The following PLXDC2 variants were observed in gnomAD, a reference collection of about 807,000 sequenced individuals.
PLXDC2 encodes plexin domain containing 2, also known as plexin domain-containing protein 2.
Under a neutral mutation model 68.9 loss-of-function variants are expected in PLXDC2, and 40 were observed. The ratio of observed to expected loss-of-function variants is 0.58; its 90% confidence interval spans 0.45 to 0.76. The LOEUF is 0.76. Among genes scored for constraint, PLXDC2 ranks in the 30% least tolerant of loss-of-function variants. The pLI is 0.00. For synonymous variants in PLXDC2, 243 were observed against 234.2 expected, an observed-to-expected ratio of 1.04 and a Z score of -0.34; for missense variants, 644 against 661.9, an observed-to-expected ratio of 0.97 and a Z score of 0.30.
chr10:20,160,452 G>A (rs939660764), intron 6 of PLXDC2, among the ~76,000 whole-genome samples: 3 of 152,012 alleles, frequency 2.0e-5, no homozygotes, highest in African/African-American at 7.2e-5. Context: ...ATTTTAGTTT[G>A]TATCGTTGTT....
chr10:19,875,442 T>G (rs1216514920), intron 1 of PLXDC2, among the ~76,000 whole-genome samples: 2 of 152,210 alleles, frequency 1.3e-5, no homozygotes, highest in Non-Finnish European at 2.9e-5. Context: ...TTTTTAGAAA[T>G]ATTTTTAAGT....
At chr10:20,230,693 C>CAAAAAA (rs1191613913) in intron 12 of PLXDC2, among the ~76,000 whole-genome samples, 2,379 of 37,740 alleles carry the variant, frequency 0.063, 475 homozygotes, top group African/African-American at 0.13. Flanking sequence ...GACCTTGTCT[C>CAAAAAA]AAAAAAAAAA....
At chr10:20,140,010 A>T (rs1426788156) in intron 4 of PLXDC2, among the ~76,000 whole-genome samples, 1 of 152,116 alleles carries the variant, frequency 6.6e-6, no homozygotes, top group African/African-American at 2.4e-5. Context: ...TAATAATAAA[A>T]ATTAAAACGG....
chr10:20,045,712 T>G (rs550830577), intron 2 of PLXDC2, among the ~76,000 whole-genome samples: 1 of 152,294 alleles, frequency 6.6e-6, no homozygotes, highest in African/African-American at 2.4e-5. Flanking sequence ...AATTATCACT[T>G]AGATGATAAA....
chr10:20,060,108 T>C (rs2131697890), intron 3 of PLXDC2, among the ~76,000 whole-genome samples: 1 of 152,248 alleles, frequency 6.6e-6, no homozygotes, highest in South Asian at 2.1e-4. Flanking sequence ...TCACAGCTCA[T>C]TGCAGCCTGG....
At chr10:20,147,565 T>C (rs1834096023) in intron 5 of PLXDC2, among the ~76,000 whole-genome samples, 1 of 152,152 alleles carries the variant, frequency 6.6e-6, no homozygotes, top group Admixed American at 6.5e-5. Flanking sequence ...GACCTTAGTA[T>C]GAGGTTCTAT....
chr10:20,133,584 TC>T (rs1833897480), intron 4 of PLXDC2, among the ~76,000 whole-genome samples: 1 of 152,188 alleles, frequency 6.6e-6, no homozygotes, highest in Non-Finnish European at 1.5e-5. Context: ...TTACAGACCT[TC>T]CCTTTCATGT....
chr10:19,908,006 A>G (rs1219917534), intron 1 of PLXDC2, among the ~76,000 whole-genome samples: 1 of 152,222 alleles, frequency 6.6e-6, no homozygotes, highest in Non-Finnish European at 1.5e-5. Context: ...GCTGTGTTAC[A>G]AAAGAGTAAT....
At chr10:20,068,273 T>A (rs1836250910) in intron 4 of PLXDC2, 34 bp downstream of exon 4, 1 of 1,525,342 alleles carries the variant, frequency 6.6e-7, no homozygotes, top group African/African-American at 1.4e-5. Flanking sequence ...CCTTAAGTAA[T>A]CTATGGTTTG....
intron 1 of PLXDC2, among the ~76,000 whole-genome samples, chr10:19,857,766 C>T (rs1177475328): frequency 1.3e-5 from 2 of 152,058 alleles, no homozygotes; most frequent in Non-Finnish European, 2.9e-5. Context: ...CGCTTGGGTT[C>T]TGAAGTATTA....
intron 4 of PLXDC2, among the ~76,000 whole-genome samples, chr10:20,122,015 G>A (rs191171878): frequency 6.6e-5 from 10 of 152,008 alleles, no homozygotes; most frequent in Non-Finnish European, 5.9e-5. Context: ...GGGTTAAGGT[G>A]GGGGAATACA....
intron 1 of PLXDC2, among the ~76,000 whole-genome samples, chr10:19,908,032 C>T (rs189208600): frequency 8.7e-4 from 132 of 152,044 alleles, no homozygotes; most frequent in Non-Finnish European, 1.5e-3. Flanking sequence ...ACTATAAAAG[C>T]GGGATGTCAC....
At chr10:20,253,375 T>G (rs1255007065) in intron 13 of PLXDC2, among the ~76,000 whole-genome samples, 1 of 148,786 alleles carries the variant, frequency 6.7e-6, no homozygotes, top group Middle Eastern at 3.3e-3. Flanking sequence ...AAAATGATAA[T>G]AATAATAATA....
chr10:20,141,169 G>A (rs752296207), intron 4 of PLXDC2, among the ~76,000 whole-genome samples: 21 of 151,938 alleles, frequency 1.4e-4, no homozygotes, highest in South Asian at 6.2e-4. Flanking sequence ...ACATTTTCCC[G>A]ATCAAAAGAA....
rs903498357 is a variant in PLXDC2 at position 19,994,659 on chromosome 10, A to T, written c.113-7116A>T. Among the ~76,000 whole-genome samples the T allele has an allele frequency of 4.6e-5, 7 of 151,488 alleles. No homozygotes were observed. In the East Asian group the frequency reaches 1.2e-3, roughly 26 times the overall value. On this transcript the variant is annotated intron_variant, in intron 1 of 13. Coordinates refer to ENST00000377252, the MANE Select transcript of PLXDC2 (RefSeq NM_032812.9). ...CCACTGCACTCAGTTTAAAATCTTA[A>T]TAAGTTAGACAAGAGGTTTCATACA...
At chr10:20,264,300 A>G (rs1203775716) in intron 13 of PLXDC2, among the ~76,000 whole-genome samples, 1 of 152,152 alleles carries the variant, frequency 6.6e-6, no homozygotes, top group South Asian at 2.1e-4. Context: ...AACAATAGAC[A>G]CTGGGGTCTG....
intron 1 of PLXDC2, among the ~76,000 whole-genome samples, chr10:19,898,834 A>C (rs926009775): frequency 1.3e-5 from 2 of 152,176 alleles, no homozygotes; most frequent in Non-Finnish European, 2.9e-5. Flanking sequence ...TGAAGGGTGA[A>C]TTAAATAAAT....
chr10:19,904,834 G>T (rs897267444), intron 1 of PLXDC2, among the ~76,000 whole-genome samples: 6 of 152,160 alleles, frequency 3.9e-5, no homozygotes, highest in Non-Finnish European at 7.3e-5. Context: ...TTAGGAAAAA[G>T]ATTTTAATAA....
chr10:19,946,611 G>C (rs745351193), intron 1 of PLXDC2, among the ~76,000 whole-genome samples: 4 of 151,750 alleles, frequency 2.6e-5, no homozygotes, highest in Non-Finnish European at 4.4e-5. Flanking sequence ...ACCAGAGACC[G>C]ATTTTGTGAA....
Sources: allele counts gnomAD v4.1 joint callset (sites outside exome capture counted in the v4.1 genomes callset), GRCh38; gene constraint gnomAD v4.1.1; transcripts MANE v1.5; gene names NCBI Gene and HGNC (gene_info 2026-07-23, HGNC 2026-07-21).